Variants in SDK1 observed in about 807,000 individuals in gnomAD.
SDK1 encodes the protein protein sidekick-1.
In SDK1, 157 loss-of-function variants were observed where a neutral mutation model predicts 245.5. That is an observed-to-expected ratio of 0.64 (90% CI 0.56 to 0.73). The LOEUF (loss-of-function observed/expected upper bound fraction) is 0.73, where lower values mean the gene tolerates loss of function less well. Among genes scored for constraint, SDK1 ranks in the 30% least tolerant of loss-of-function variants. The pLI is 0.00. For missense variants in SDK1, 3,583 were observed against 3,002.3 expected (o/e 1.19, Z -4.52); for synonymous variants, 1,647 against 1,278.5 (o/e 1.29, Z -6.15).
chr7:4,140,088 C>T (rs1779473008), intron 28 of SDK1, among the ~76,000 whole-genome samples: 1 of 152,116 alleles, frequency 6.6e-6, no homozygotes, highest in South Asian at 2.1e-4. Context: ...CACCACCTCC[C>T]TGGGAGCACA....
At chr7:4,104,928 A>G (rs1284289150) in intron 22 of SDK1, among the ~76,000 whole-genome samples, 1 of 151,160 alleles carries the variant, frequency 6.6e-6, no homozygotes, top group Non-Finnish European at 1.5e-5. Flanking sequence ...GCTGATTTTG[A>G]ACTCCTGGGC....
intron 14 of SDK1, among the ~76,000 whole-genome samples, chr7:3,994,066 C>T (rs1029408100): frequency 2.6e-5 from 4 of 152,252 alleles, no homozygotes; most frequent in African/African-American, 9.6e-5. Context: ...TCCCCTCCTG[C>T]CCCTAAAATG....
chr7:3,747,639 G>C (rs553425806), intron 4 of SDK1, among the ~76,000 whole-genome samples: 23 of 152,298 alleles, frequency 1.5e-4, no homozygotes, highest in African/African-American at 5.5e-4. Flanking sequence ...AGTGTTGAAA[G>C]AGGAAGTATT....
intron 1 of SDK1, among the ~76,000 whole-genome samples, chr7:3,484,526 C>G (rs571806506): frequency 1.3e-5 from 2 of 152,180 alleles, no homozygotes; most frequent in Admixed American, 1.3e-4. Context: ...CCTGGCAGTT[C>G]AAACCAGAGT....
intron 16 of SDK1, among the ~76,000 whole-genome samples, chr7:4,012,668 G>C (rs1808947): frequency 0.15 from 21,782 of 143,688 alleles, 1,669 homozygotes; most frequent in Middle Eastern, 0.23. Context: ...CCGCTGCCTG[G>C]GTTCAAGCAA....
intron 19 of SDK1, among the ~76,000 whole-genome samples, chr7:4,053,547 T>G (rs1779017595): frequency 6.6e-6 from 1 of 152,176 alleles, no homozygotes; most frequent in Admixed American, 6.5e-5. Context: ...TCCCTGACTG[T>G]GCTGCCCCTG....
intron 1 of SDK1, among the ~76,000 whole-genome samples, chr7:3,531,049 C>T (rs1367318153): frequency 6.6e-6 from 1 of 152,182 alleles, no homozygotes; most frequent in African/African-American, 2.4e-5. Context: ...AACTCTGCTT[C>T]ATATACCAGT....
intron 1 of SDK1, among the ~76,000 whole-genome samples, chr7:3,432,568 A>G (rs1458773559): frequency 1.3e-5 from 2 of 150,972 alleles, no homozygotes; most frequent in Non-Finnish European, 3.0e-5. Context: ...TTAAAAGATT[A>G]CTACCGAAGG....
At chr7:3,354,447 T>C (rs1210158340) in intron 1 of SDK1, among the ~76,000 whole-genome samples, 2 of 152,228 alleles carry the variant, frequency 1.3e-5, no homozygotes, top group Non-Finnish European at 2.9e-5. Flanking sequence ...AGTTTTTCAT[T>C]GGTTCCAATG....
intron 4 of SDK1, among the ~76,000 whole-genome samples, chr7:3,650,044 G>T (rs1290886959): frequency 1.4e-5 from 2 of 144,552 alleles, no homozygotes; most frequent in South Asian, 2.3e-4. Flanking sequence ...TAAAATTGTG[G>T]TAAAACATAG....
At chr7:3,928,801 C>T (rs1013928390) in intron 5 of SDK1, among the ~76,000 whole-genome samples, 1 of 152,298 alleles carries the variant, frequency 6.6e-6, no homozygotes, top group African/African-American at 2.4e-5. Context: ...GGTGTTACCC[C>T]GCTTTACAGA....
At chr7:3,450,064 T>C (rs934048066) in intron 1 of SDK1, among the ~76,000 whole-genome samples, 2 of 152,010 alleles carry the variant, frequency 1.3e-5, no homozygotes, top group African/African-American at 4.8e-5. Context: ...TTGAGGGTGG[T>C]TGGAGGGAGA....
At chr7:3,496,224 G>A (rs1317332635) in intron 1 of SDK1, among the ~76,000 whole-genome samples, 1 of 152,096 alleles carries the variant, frequency 6.6e-6, no homozygotes, top group East Asian at 1.9e-4. Context: ...GATCGCTGGA[G>A]GGTCAGATAA....
intron 1 of SDK1, among the ~76,000 whole-genome samples, chr7:3,494,937 C>T (rs1047083777): frequency 2.0e-5 from 3 of 152,218 alleles, no homozygotes; most frequent in Non-Finnish European, 4.4e-5. Flanking sequence ...TGACCTCCCT[C>T]TTGAGTTACA....
intron 22 of SDK1, among the ~76,000 whole-genome samples, chr7:4,101,402 C>T (rs1188628690): frequency 6.6e-6 from 1 of 152,194 alleles, no homozygotes; most frequent in Non-Finnish European, 1.5e-5. Context: ...CCGCCTTGGC[C>T]TCCCAAAGTG....
At chr7:3,330,263 A>G (rs538583371) in intron 1 of SDK1, among the ~76,000 whole-genome samples, 1 of 152,330 alleles carries the variant, frequency 6.6e-6, no homozygotes, top group African/African-American at 2.4e-5. Context: ...ATGAACTGCT[A>G]GTTTCCTAAG....
chr7:3,582,792 C>G (rs749331818), intron 1 of SDK1, among the ~76,000 whole-genome samples: 4 of 150,212 alleles, frequency 2.7e-5, no homozygotes, highest in African/African-American at 7.3e-5. Flanking sequence ...AGTTCCCTTT[C>G]ACGTTCTCCA....
intron 35 of SDK1, among the ~76,000 whole-genome samples, chr7:4,194,277 TAG>T (rs2128223562): frequency 1.3e-5 from 2 of 149,682 alleles, no homozygotes; most frequent in South Asian, 4.2e-4. Flanking sequence ...TATACATGTA[TAG>T]ATATATGTAT....
chr7:3,912,638 C>T (rs1284534234), intron 5 of SDK1, among the ~76,000 whole-genome samples: 2 of 152,234 alleles, frequency 1.3e-5, no homozygotes, highest in East Asian at 3.9e-4. Flanking sequence ...GCTGGGGCAC[C>T]CGCTTCTGGG....
Sources: gnomAD v4.1 joint callset for allele counts (sites outside exome capture counted in the v4.1 genomes callset) on GRCh38, gnomAD v4.1.1 for gene constraint, MANE v1.5 for transcripts, NCBI Gene and HGNC (gene_info 2026-07-23, HGNC 2026-07-21) for gene names.